The following ATPAF1 variants were observed in gnomAD, a reference collection of about 807,000 sequenced individuals.
The protein encoded by ATPAF1 is ATP synthase mitochondrial F1 complex assembly factor 1, also known as homolog of yeast ATP11.
ATPAF1 carries 26 observed loss-of-function variants against 43.9 expected under a neutral mutation model. The observed-to-expected ratio is 0.59, with a 90% CI of 0.43 to 0.82. The LOEUF (loss-of-function observed/expected upper bound fraction) is 0.82, where lower values mean the gene tolerates loss of function less well. Ranked by LOEUF, ATPAF1 falls within the 40% of genes least tolerant of loss-of-function variation. The pLI is 0.00. For synonymous variants in ATPAF1, 157 were observed against 168.0 expected (o/e 0.93, Z 0.50); for missense variants, 366 against 435.0 (o/e 0.84, Z 1.41).
chr1:46,635,886 T>G (rs774866580), exon 9 of ATPAF1: 23 of 1,614,070 alleles, frequency 1.4e-5, no homozygotes, highest in Non-Finnish European at 1.8e-5. Context: ...AGGTTAAAGG[T>G]CTCCACTAAC....
chr1:46,640,667 G>T (rs1025403046), intron 8 of ATPAF1, among the ~76,000 whole-genome samples: 1 of 145,342 alleles, frequency 6.9e-6, no homozygotes, highest in Non-Finnish European at 1.5e-5. Flanking sequence ...AACAAAAAAA[G>T]AGTTTTTCCC....
intron 8 of ATPAF1, 62 bp from the exon 9 acceptor site, chr1:46,636,032 A>G (rs771676681): frequency 5.1e-6 from 8 of 1,579,032 alleles, no homozygotes; most frequent in Non-Finnish European, 5.2e-6. Context: ...TCTTGTCTGA[A>G]TTGTGTGGTG....
chr1:46,641,647 T>C (rs1258058), intron 8 of ATPAF1, among the ~76,000 whole-genome samples: 130,815 of 152,142 alleles, frequency 0.86, 58,569 homozygotes, highest in Non-Finnish European at 0.99. Context: ...AATTCTCAGT[T>C]CTAATCTCAT....
chr1:46,665,629 A>T, intron 1 of ATPAF1: 1 of 1,519,386 alleles, frequency 6.6e-7, no homozygotes, highest in Non-Finnish European at 8.8e-7. Context: ...CACAGGGCTT[A>T]GTCTCTCAGG....
intron 2 of ATPAF1, chr1:46,663,747 C>CA (rs1010893713): frequency 1.3e-6 from 1 of 776,710 alleles, no homozygotes; most frequent in Non-Finnish European, 1.6e-6. Flanking sequence ...ATACCCAAGG[C>CA]AAAAAAAGTA....
intron 1 of ATPAF1, among the ~76,000 whole-genome samples, chr1:46,666,984 C>G (rs1268568848): frequency 6.6e-6 from 1 of 152,132 alleles, no homozygotes; most frequent in Non-Finnish European, 1.5e-5. Context: ...ACGAGAGAAG[C>G]CTGGAGGGGA....
chr1:46,658,220 C>T (rs1347358865), intron 3 of ATPAF1, 31 bp from the exon 4 acceptor site: 1 of 1,351,704 alleles, frequency 7.4e-7, no homozygotes, highest in South Asian at 1.3e-5. Context: ...GCAATTAACA[C>T]ATAATTAAAA....
chr1:46,655,662 CT>C (rs749309373), intron 4 of ATPAF1, among the ~76,000 whole-genome samples: 5 of 151,666 alleles, frequency 3.3e-5, no homozygotes, highest in East Asian at 1.9e-4. Context: ...TTTTTACTAC[CT>C]TTTTTTTGCC....
Position 46,668,323 on chromosome 1 carries a change from G to T in ATPAF1, c.-1C>A. 2 of 1,363,074 alleles carry T rather than the reference G, an allele frequency of 1.5e-6. No homozygotes were observed. Among genetic ancestry groups the T allele is most frequent in the Admixed American group, 2.8e-5 (1 of 36,062 alleles). 84.4% of individuals were successfully genotyped at this position (1,363,074 alleles called of 1,614,324 possible). A position where few individuals can be genotyped will look rare whatever the true frequency, so the allele number is the denominator to read the frequency against. ...CAGCCGCCACCACCACAGCAGCCAT[G>T]GCCGCCCCCGCCTCCTCCTCCTCCT... On this transcript the variant is annotated 5_prime_UTR_variant, in exon 1 of 9. Coordinates refer to ENST00000574428, the Ensembl canonical transcript of ATPAF1. This position sits in a 1 kb window ranked among gnomAD's most constrained non-coding sequence, Gnocchi z 4.4.
Position 46,668,287 on chromosome 1 carries a change from C to G in ATPAF1, c.36G>C (p.Ala12=), listed in dbSNP as rs558543746. The change falls in exon 1 of 9, where the codon GCG becomes GCC. Residue 12 remains alanine, a synonymous_variant. Coordinates refer to ENST00000574428, the Ensembl canonical transcript of ATPAF1. This position sits in a 1 kb window ranked among gnomAD's most constrained non-coding sequence, Gnocchi z 4.4. ...CGGCCACCTGCAGGACCGCCGGTCCCGCGCCACCCGCAGCCGCCACCACCA... is the reference window on the plus strand; with the variant it reads ...CGGCCACCTGCAGGACCGCCGGTCCGGCGCCACCCGCAGCCGCCACCACCA... 1.4e-5 allele frequency: 19 copies of G among 1,382,714 alleles called. No homozygotes were observed. The African/African-American group carries it at 2.7e-4, about 20-fold the overall frequency. 85.7% of individuals were successfully genotyped at this position (1,382,714 alleles called of 1,614,324 possible).
intron 6 of ATPAF1, 44 bp downstream of exon 6, chr1:46,652,537 G>C: frequency 6.3e-7 from 1 of 1,576,860 alleles, no homozygotes; most frequent in Middle Eastern, 1.7e-4. Context: ...ATACTTGTTT[G>C]GCAACATTGA....
chr1:46,661,505 G>A (rs188166731), intron 2 of ATPAF1, among the ~76,000 whole-genome samples: 26 of 152,258 alleles, frequency 1.7e-4, no homozygotes, highest in Admixed American at 5.2e-4. Context: ...CAGTGTAGTC[G>A]TGCCCTAATA....
chr1:46,634,959 C>A (rs1433801251), downstream of ATPAF1: 2 of 152,624 alleles, frequency 1.3e-5, no homozygotes, highest in East Asian at 3.8e-4. Flanking sequence ...TTCCCCACAT[C>A]CAATCTGGGA....
At chr1:46,656,923 G>A (rs535379405) in intron 4 of ATPAF1, among the ~76,000 whole-genome samples, 1 of 152,172 alleles carries the variant, frequency 6.6e-6, no homozygotes, top group African/African-American at 2.4e-5. Flanking sequence ...TCTGTATCTG[G>A]CACAGAGTCT....
intron 6 of ATPAF1, 197 bp downstream of exon 6, chr1:46,652,384 G>T: frequency 5.7e-6 from 3 of 530,834 alleles, no homozygotes; most frequent in Non-Finnish European, 6.5e-6. Flanking sequence ...TCACTTATTA[G>T]TACAATCAAC....
chr1:46,637,321 A>C (rs1002388768), intron 8 of ATPAF1, among the ~76,000 whole-genome samples: 1 of 152,200 alleles, frequency 6.6e-6, no homozygotes, highest in Non-Finnish European at 1.5e-5. Flanking sequence ...TTGAGGCTGC[A>C]CTGAGCTATG....
intron 6 of ATPAF1, among the ~76,000 whole-genome samples, chr1:46,646,160 A>G (rs893087912): frequency 6.6e-6 from 1 of 152,222 alleles, no homozygotes; most frequent in Non-Finnish European, 1.5e-5. Context: ...AATTTTTTTT[A>G]AAGTAGTAGT....
chr1:46,641,116 C>T (rs1472688142), intron 8 of ATPAF1, among the ~76,000 whole-genome samples: 4 of 152,040 alleles, frequency 2.6e-5, no homozygotes, highest in Admixed American at 2.0e-4. Context: ...CTGGGTCTGT[C>T]GCTCAGGCTG....
intron 6 of ATPAF1, 83 bp downstream of exon 6, chr1:46,652,498 G>C: frequency 7.3e-7 from 1 of 1,370,226 alleles, no homozygotes; most frequent in Non-Finnish European, 1.0e-6. Flanking sequence ...ATGTGAGACA[G>C]TATGGAATAT....
Sources: gnomAD v4.1 joint callset for allele counts (sites outside exome capture counted in the v4.1 genomes callset) on GRCh38, gnomAD v4.1.1 for gene constraint, Gnocchi (gnomAD v3.1) non-coding constraint, MANE v1.5 for transcripts, NCBI Gene and HGNC (gene_info 2026-07-23, HGNC 2026-07-21) for gene names.